Variants in ATP7B observed in about 807,000 individuals in gnomAD.
ATP7B encodes copper-transporting ATPase 2.
A neutral mutation model predicts 118.9 loss-of-function variants in ATP7B; 113 were observed. That is an observed-to-expected ratio of 0.95 (90% CI 0.82 to 1.11). The LOEUF (loss-of-function observed/expected upper bound fraction) is 1.11. Ranked by LOEUF, ATP7B falls within the 50% of genes most tolerant of loss-of-function variation. ATP7B has a pLI of 0.00. For synonymous variants in ATP7B, 777 were observed against 727.4 expected (o/e 1.07, Z -1.10); for missense variants, 1,867 against 1,871.4 (o/e 1.00, Z 0.04).
rs942992076 is a variant in ATP7B at position 51,967,347 on chromosome 13, T to C, written c.1707+1097A>G. Among the ~76,000 whole-genome samples the C allele has an allele frequency of 2.6e-5, 4 of 152,110 alleles. 1 individual carries two copies. The highest frequency in any genetic ancestry group is 5.9e-5 in the Non-Finnish European group (4 of 67,984). ...ATCCCTTTGTTTAATAAATGTGTGC[T>C]AAAAGAAAAAAGAACACTACAATAA... On this transcript the variant is annotated intron_variant, in intron 4 of 20. Transcript: ENST00000242839.
chr13:51,956,516 T>C (rs1446879438), intron 9 of ATP7B, among the ~76,000 whole-genome samples: 1 of 151,840 alleles, frequency 6.6e-6, no homozygotes, highest in African/African-American at 2.4e-5. Context: ...AGAGAAAGGT[T>C]CCCGGGTAGA....
chr13:51,946,385 G>C lies in ATP7B; in HGVS notation c.2959C>G (p.Leu987Val), dbSNP rs1256352645. The C allele has an allele frequency of 1.9e-6, 3 of 1,613,976 alleles. No individual in the cohort carries two copies. In the South Asian group the frequency reaches 3.3e-5, roughly 18 times the overall value. The change falls in exon 13 of 21, where the codon CTG becomes GTG. Residue 987 changes from leucine (L) to valine (V), a missense_variant. Transcript: ENST00000242839. The stretch of plus-strand genomic sequence containing the variant: ...ACAGCCGTGGGCGTGGCCAGCCCCA[G>C]GGAGCAGGGGCAGGCAATGCACAGC... ...TVLCIACPCS[L>V]GLATPTAVMV...
chr13:51,968,735 T>C, intron 3 of ATP7B, 128 bp from the exon 4 acceptor site: 1 of 1,157,942 alleles, frequency 8.6e-7, no homozygotes, highest in Non-Finnish European at 1.3e-6. Context: ...TCAAACACTG[T>C]TTGAAAATGA....
At chr13:52,009,871 T>C (rs188132288) in intron 1 of ATP7B, among the ~76,000 whole-genome samples, 3 of 152,324 alleles carry the variant, frequency 2.0e-5, no homozygotes, top group Admixed American at 2.0e-4. Context: ...TAACAAGATA[T>C]AATACCTACA....
At chr13:51,992,823 C>T (rs1023555760) in intron 1 of ATP7B, among the ~76,000 whole-genome samples, 1 of 150,794 alleles carries the variant, frequency 6.6e-6, no homozygotes, top group Non-Finnish European at 1.5e-5. Context: ...ACTAAAAACA[C>T]AAAAATTAGC....
chr13:51,944,607 C>T (rs769785431), intron 13 of ATP7B, among the ~76,000 whole-genome samples: 5 of 152,190 alleles, frequency 3.3e-5, no homozygotes, highest in Non-Finnish European at 7.4e-5. Flanking sequence ...CCACATACTC[C>T]CCCACATCAG....
intron 1 of ATP7B, among the ~76,000 whole-genome samples, chr13:52,006,388 C>G (rs950473942): frequency 3.3e-5 from 5 of 152,224 alleles, no homozygotes; most frequent in African/African-American, 1.2e-4. Context: ...ACCAACTGCA[C>G]TCTGTTGCTG....
chr13:51,958,234 C>T, intron 8 of ATP7B, 77 bp downstream of exon 8: 1 of 1,478,688 alleles, frequency 6.8e-7, no homozygotes, highest in Non-Finnish European at 9.4e-7. Context: ...ATTAGTAATT[C>T]TAAACATGGT....
At chr13:52,003,987 G>A (rs955450695) in intron 1 of ATP7B, among the ~76,000 whole-genome samples, 4 of 152,148 alleles carry the variant, frequency 2.6e-5, no homozygotes, top group East Asian at 1.9e-4. Flanking sequence ...GGCCGGGCGC[G>A]GTGGCTCACA....
At chr13:51,957,987 G>C (rs1958466497) in intron 8 of ATP7B, 1 of 468,892 alleles carries the variant, frequency 2.1e-6, no homozygotes, top group Non-Finnish European at 3.9e-6. Flanking sequence ...ACCTTGAGGA[G>C]GATGTATGGA....
At position 51,961,904 on chromosome 13, in the gene ATP7B, A is replaced by C. The variant is rs1343304204; in HGVS notation, c.1879T>G (p.Phe627Val). Residue 627 changes from phenylalanine to valine, a missense_variant, in exon 6 of 21, where the codon TTT becomes GTT. By Grantham distance (50) the Phe-to-Val change is conservative. Transcript: ENST00000242839. ...TTTCTCTGGGCCAGGGAAGCATGAA[A>C]GCCAATTTCCTTGTCATTAAAAAGA... is the stretch of plus-strand genomic sequence containing the variant. ...DIIKIIEEIG[F>V]HASLAQRNPN... The C allele has an allele frequency of 6.2e-7, 1 of 1,613,846 alleles. No homozygotes were observed. The highest frequency in any genetic ancestry group is 8.5e-7 in the Non-Finnish European group (1 of 1,179,750).
At chr13:51,937,431 C>T in intron 18 of ATP7B, 38 bp from the exon 19 acceptor site, 1 of 1,614,148 alleles carries the variant, frequency 6.2e-7, no homozygotes, top group Non-Finnish European at 8.5e-7. Context: ...AGGGGTCTGC[C>T]CATTGCCCTC....
intron 1 of ATP7B, among the ~76,000 whole-genome samples, chr13:51,997,465 A>G (rs1953264865): frequency 6.6e-6 from 1 of 152,230 alleles, no homozygotes; most frequent in Non-Finnish European, 1.5e-5. Flanking sequence ...TAAATAATCT[A>G]TTCTGTTAGC....
chr13:51,984,117 C>T (rs1479410215), intron 1 of ATP7B, among the ~76,000 whole-genome samples: 2 of 151,752 alleles, frequency 1.3e-5, no homozygotes, highest in South Asian at 2.1e-4. Flanking sequence ...AAAACTCCAC[C>T]GAGCTAAAGT....
intron 1 of ATP7B, among the ~76,000 whole-genome samples, chr13:51,975,780 A>G (rs983298012): frequency 6.6e-5 from 10 of 152,242 alleles, no homozygotes; most frequent in Non-Finnish European, 4.4e-5. Flanking sequence ...AAGGTGGGCC[A>G]CATGCCTGTG....
At chr13:51,965,583 C>G (rs1447431639) in intron 4 of ATP7B, among the ~76,000 whole-genome samples, 1 of 152,014 alleles carries the variant, frequency 6.6e-6, no homozygotes, top group Non-Finnish European at 1.5e-5. Flanking sequence ...CAAAGGTGGT[C>G]CCAAGGTACA....
At chr13:51,959,523 A>G (rs1958593137) in intron 7 of ATP7B, 1 of 153,842 alleles carries the variant, frequency 6.5e-6, no homozygotes, top group African/African-American at 2.4e-5. Flanking sequence ...AAAAAAAAAA[A>G]AAAAAATCCA....
At chr13:52,005,857 G>C (rs1337234367) in intron 1 of ATP7B, among the ~76,000 whole-genome samples, 1 of 152,138 alleles carries the variant, frequency 6.6e-6, no homozygotes, top group Non-Finnish European at 1.5e-5. Context: ...CCATAAACTG[G>C]CCCCAAAACT....
At chr13:51,961,316 T>C (rs543732195) in intron 6 of ATP7B, among the ~76,000 whole-genome samples, 8 of 151,860 alleles carry the variant, frequency 5.3e-5, no homozygotes, top group African/African-American at 1.7e-4. Context: ...GCAGCCTTTA[T>C]GGTGCTGAAT....
Sources: gnomAD v4.1 joint callset for allele counts (sites outside exome capture counted in the v4.1 genomes callset) on GRCh38, gnomAD v4.1.1 for gene constraint, MANE v1.5 for transcripts, NCBI Gene and HGNC (gene_info 2026-07-23, HGNC 2026-07-21) for gene names.